SOX6: variants seen among roughly 807,000 people sequenced by gnomAD.
The protein encoded by SOX6 is SRY-box transcription factor 6, also known as transcription factor SOX-6.
SOX6 carries 11 observed loss-of-function variants against 97.8 expected under a neutral mutation model. That is an observed-to-expected ratio of 0.11 (90% confidence interval 0.07 to 0.19). SOX6 has a LOEUF of 0.19. SOX6 is among the 10% of genes least tolerant of loss of function. The pLI is 1.00. For synonymous variants in SOX6, 360 were observed against 371.4 expected (o/e 0.97, Z 0.35); for missense variants, 810 against 1,039.5 (o/e 0.78, Z 3.04).
chr11:16,110,590 A>G (rs1409715634), intron 7 of SOX6, among the ~76,000 whole-genome samples: 1 of 152,144 alleles, frequency 6.6e-6, no homozygotes, highest in Non-Finnish European at 1.5e-5. Flanking sequence ...ATTCATTTAT[A>G]TGTGAGGAAT....
At chr11:16,152,024 A>G (rs1224275097) in intron 6 of SOX6, among the ~76,000 whole-genome samples, 1 of 152,166 alleles carries the variant, frequency 6.6e-6, no homozygotes, top group African/African-American at 2.4e-5. Flanking sequence ...TAAGTTGTCT[A>G]AAGTCAATTT....
At chr11:15,990,581 T>C (rs1430953918) in intron 13 of SOX6, among the ~76,000 whole-genome samples, 3 of 152,148 alleles carry the variant, frequency 2.0e-5, no homozygotes, top group Admixed American at 2.0e-4. Flanking sequence ...AATAAATAAA[T>C]GAATGAATGA....
chr11:16,612,863 G>C (rs1433207575), intron 3 of SOX6, among the ~76,000 whole-genome samples: 1 of 152,050 alleles, frequency 6.6e-6, no homozygotes, highest in Non-Finnish European at 1.5e-5. Context: ...CAATACCTAA[G>C]AGAAATCGCG....
At chr11:16,568,174 A>T (rs1847898022) in intron 4 of SOX6, among the ~76,000 whole-genome samples, 1 of 152,192 alleles carries the variant, frequency 6.6e-6, no homozygotes, top group Non-Finnish European at 1.5e-5. Flanking sequence ...CATCCCCAAG[A>T]TATCTCATTA....
intron 3 of SOX6, among the ~76,000 whole-genome samples, chr11:16,663,601 C>A (rs932392813): frequency 2.0e-5 from 3 of 152,194 alleles, no homozygotes; most frequent in Non-Finnish European, 2.9e-5. Flanking sequence ...CAGGCATGAG[C>A]CACCATGCCC....
At chr11:16,463,295 A>G (rs1207034868) in intron 1 of SOX6, among the ~76,000 whole-genome samples, 1 of 152,172 alleles carries the variant, frequency 6.6e-6, no homozygotes, top group East Asian at 1.9e-4. Flanking sequence ...TATTGGGAAC[A>G]TACTATACAT....
At chr11:16,544,689 T>A (rs974539188) in intron 4 of SOX6, among the ~76,000 whole-genome samples, 1 of 152,182 alleles carries the variant, frequency 6.6e-6, no homozygotes, top group Admixed American at 6.6e-5. Context: ...GGTGAGTTTA[T>A]GTTACGTGAA....
At chr11:15,974,535 C>A (rs979692702) in intron 15 of SOX6, among the ~76,000 whole-genome samples, 2 of 110,976 alleles carry the variant, frequency 1.8e-5, no homozygotes, top group African/African-American at 7.7e-5. Context: ...TGCTATCCCT[C>A]CCCCCTCCCC....
intron 3 of SOX6, among the ~76,000 whole-genome samples, chr11:16,302,718 C>T (rs1036713470): frequency 2.0e-5 from 3 of 151,512 alleles, no homozygotes; most frequent in South Asian, 2.1e-4. Context: ...TACAGGCGTG[C>T]GCCACCACAC....
intron 4 of SOX6, among the ~76,000 whole-genome samples, chr11:16,490,482 T>C (rs1860494505): frequency 1.3e-5 from 2 of 152,086 alleles, no homozygotes; most frequent in African/African-American, 4.8e-5. Context: ...AAATTCTATG[T>C]TCACATAAGT....
chr11:16,234,821 T>C (rs1852967333), intron 3 of SOX6, 150 bp from the exon 4 acceptor site: 1 of 455,774 alleles, frequency 2.2e-6, no homozygotes, highest in African/African-American at 2.0e-5. Flanking sequence ...CATTATTCTA[T>C]AATGTGTATT....
chr11:16,272,330 C>G (rs769461259), intron 3 of SOX6, among the ~76,000 whole-genome samples: 8 of 151,634 alleles, frequency 5.3e-5, no homozygotes, highest in Non-Finnish European at 1.0e-4. Flanking sequence ...CATCTATCCA[C>G]TTCACAAATG....
intron 13 of SOX6, among the ~76,000 whole-genome samples, chr11:16,013,226 G>T (rs1250120407): frequency 6.6e-6 from 1 of 152,028 alleles, no homozygotes; most frequent in Non-Finnish European, 1.5e-5. Flanking sequence ...CCAGTCTGTT[G>T]TCAAATAAAC....
At chr11:16,184,377 A>C (rs1851417226) in intron 5 of SOX6, among the ~76,000 whole-genome samples, 1 of 152,146 alleles carries the variant, frequency 6.6e-6, no homozygotes, top group African/African-American at 2.4e-5. Context: ...ATGTTGGCAA[A>C]ACCTTTCCTG....
At chr11:16,715,961 C>T (rs565840769) in intron 2 of SOX6, among the ~76,000 whole-genome samples, 3 of 152,248 alleles carry the variant, frequency 2.0e-5, no homozygotes, top group South Asian at 2.1e-4. Flanking sequence ...AGGCCAGACA[C>T]GGTGATTCAT....
intron 1 of SOX6, among the ~76,000 whole-genome samples, chr11:16,364,283 C>T (rs959614455): frequency 2.0e-5 from 3 of 152,058 alleles, no homozygotes; most frequent in Admixed American, 1.3e-4. Context: ...AAAAAAATGT[C>T]AGGACTTACA....
In SOX6 at chr11:15,972,724, C is replaced by T; in HGVS notation, c.*85G>A. 7.0e-7 allele frequency: 1 copy of T among 1,419,936 alleles called. No homozygotes were observed. 88.0% of individuals were successfully genotyped at this position (1,419,936 alleles called of 1,614,324 possible). ...TTCTGCTGATGTAATTGTGGAGCCA[C>T]AAATGCATGCGGGCTCTTTAATAAC... On this transcript the variant is annotated 3_prime_UTR_variant, in exon 16 of 16. Coordinates refer to ENST00000683767, the MANE Select transcript of SOX6 (RefSeq NM_001367873.1).
intron 1 of SOX6, among the ~76,000 whole-genome samples, chr11:16,388,607 T>C (rs890625161): frequency 1.3e-5 from 2 of 152,146 alleles, no homozygotes; most frequent in Admixed American, 1.3e-4. Flanking sequence ...AGTAAGTTTT[T>C]TTCTAAGAAA....
intron 4 of SOX6, among the ~76,000 whole-genome samples, chr11:16,593,551 A>G (rs1007060293): frequency 6.6e-6 from 1 of 152,140 alleles, no homozygotes; most frequent in Non-Finnish European, 1.5e-5. Flanking sequence ...CTCACCATAT[A>G]TGTTAGAAGT....
Sources: allele counts gnomAD v4.1 joint callset (sites outside exome capture counted in the v4.1 genomes callset), GRCh38; gene constraint gnomAD v4.1.1; transcripts MANE v1.5; gene names NCBI Gene and HGNC (gene_info 2026-07-23, HGNC 2026-07-21).